AFF4: variants seen among roughly 807,000 people sequenced by gnomAD.
AFF4 encodes ALF transcription elongation factor 4.
In AFF4, 13 loss-of-function variants were observed where a neutral mutation model predicts 124.8. That is an observed-to-expected ratio of 0.10 (90% CI 0.07 to 0.17). AFF4 has a LOEUF of 0.17. Among genes scored for constraint, AFF4 ranks in the 10% least tolerant of loss-of-function variants. The probability of loss-of-function intolerance (pLI) is 1.00; values close to 1 mark genes in which losing one functional copy is unlikely to be tolerated. For missense variants in AFF4, 1,092 were observed against 1,403.8 expected (o/e 0.78, Z 3.55); for synonymous variants, 477 against 496.1 (o/e 0.96, Z 0.51).
intron 5 of AFF4, among the ~76,000 whole-genome samples, chr5:132,909,387 C>T (rs1760741571): frequency 6.6e-6 from 1 of 152,158 alleles, no homozygotes; most frequent in South Asian, 2.1e-4. Flanking sequence ...AGGTGATCCA[C>T]CCGCCTCAGC....
chr5:132,934,036 C>A, intron 3 of AFF4, 111 bp downstream of exon 3: 5 of 1,230,974 alleles, frequency 4.1e-6, no homozygotes, highest in Admixed American at 2.9e-5. Flanking sequence ...TCAACTTTTA[C>A]ATTCCTTACT....
chr5:132,890,592 A>G, intron 13 of AFF4, among the ~76,000 whole-genome samples: 1 of 152,234 alleles, frequency 6.6e-6, no homozygotes, highest in East Asian at 1.9e-4. Context: ...TTTAGTTGAT[A>G]GAATAAAAAA....
chr5:132,942,878 G>A (rs1761606399), intron 1 of AFF4: 1 of 199,888 alleles, frequency 5.0e-6, no homozygotes, highest in Non-Finnish European at 1.1e-5. Context: ...GATCGCTTGA[G>A]CTCAGGAGTT....
intron 13 of AFF4, chr5:132,891,910 T>C (rs2150069314): frequency 1.8e-6 from 1 of 553,066 alleles, no homozygotes. Flanking sequence ...GCCTCCCAAA[T>C]AGCTGGGACT....
Position 132,877,548 on chromosome 5 carries a change from T to C in AFF4, c.*3511A>G, listed in dbSNP as rs879476266. 4.8e-6 allele frequency: 1 copy of C among 208,344 alleles called. No homozygotes were observed. The highest frequency in any genetic ancestry group is 1.9e-4 in the South Asian group (1 of 5,324). 12.9% of individuals were successfully genotyped at this position (208,344 alleles called of 1,614,324 possible). On this transcript the variant is annotated 3_prime_UTR_variant, in exon 21 of 21. Transcript: ENST00000265343. The stretch of plus-strand genomic sequence containing the variant: ...TACATACATATATATAAAGTGTGTA[T>C]GTGTACAGAATTTTAAGATCCAAAG...
At chr5:132,893,964 G>T (rs575512607) in intron 11 of AFF4, among the ~76,000 whole-genome samples, 32 of 152,226 alleles carry the variant, frequency 2.1e-4, no homozygotes, top group South Asian at 1.0e-3. Context: ...TTCATTTAGT[G>T]TAACATTTTT....
chr5:132,906,543 T>C (rs1252753434), intron 5 of AFF4, among the ~76,000 whole-genome samples: 1 of 152,082 alleles, frequency 6.6e-6, no homozygotes, highest in East Asian at 1.9e-4. Context: ...ACTATTTATA[T>C]AAAATGTTTA....
intron 1 of AFF4, among the ~76,000 whole-genome samples, chr5:132,938,584 G>C (rs1761488231): frequency 6.6e-6 from 1 of 151,884 alleles, no homozygotes; most frequent in Non-Finnish European, 1.5e-5. Context: ...TTAATCAGTG[G>C]TTAGAACTAG....
intron 1 of AFF4, among the ~76,000 whole-genome samples, chr5:132,962,839 G>A (rs1001598469): frequency 5.3e-5 from 8 of 150,844 alleles, no homozygotes; most frequent in Non-Finnish European, 1.0e-4. Flanking sequence ...GGGGGTGTGG[G>A]AGAGGTGCGC....
chr5:132,915,254 T>C (rs947126676), intron 5 of AFF4, among the ~76,000 whole-genome samples: 9 of 151,568 alleles, frequency 5.9e-5, no homozygotes, highest in African/African-American at 1.9e-4. Flanking sequence ...GGCAGGAGAA[T>C]GGCATGAACC....
chr5:132,915,988 C>T (rs1760899682), intron 5 of AFF4, among the ~76,000 whole-genome samples: 1 of 151,918 alleles, frequency 6.6e-6, no homozygotes, highest in Non-Finnish European at 1.5e-5. Context: ...GGTGTGGTGG[C>T]TCACATCTGT....
intron 1 of AFF4, among the ~76,000 whole-genome samples, chr5:132,940,931 G>A (rs1214421758): frequency 2.0e-5 from 3 of 152,072 alleles, no homozygotes; most frequent in Non-Finnish European, 4.4e-5. Flanking sequence ...GGAGGCTGAT[G>A]CAGGAGAAAA....
rs767244728 is a variant in AFF4 at position 132,887,911 on chromosome 5, T to C, written c.2868A>G (p.Leu956=). The C allele has an allele frequency of 1.9e-6, 3 of 1,613,888 alleles. No individual in the cohort carries two copies. In the South Asian group the frequency reaches 3.3e-5, roughly 18 times the overall value. The change falls in exon 16 of 21, where the codon TTA becomes TTG. Residue 956 remains leucine (L), a synonymous_variant. Transcript: ENST00000265343. ...ATTTGGATTCCTGAGCATTCTTCTCTAATGCATTCCCACATTCAATGAAAG... is the reference window on the plus strand; with the variant it reads ...ATTTGGATTCCTGAGCATTCTTCTCCAATGCATTCCCACATTCAATGAAAG... ...VVSFIECGNA[L]EKNAQESKSP... is the part of the protein sequence containing the mutation.
At chr5:132,900,894 T>A (rs1358551968) in intron 7 of AFF4, 1 of 984,402 alleles carries the variant, frequency 1.0e-6, no homozygotes, top group East Asian at 1.1e-4. Context: ...TTCATTACAA[T>A]CTCCAATCAG....
intron 5 of AFF4, among the ~76,000 whole-genome samples, chr5:132,923,639 C>T (rs1761105230): frequency 2.6e-5 from 4 of 152,210 alleles, no homozygotes; most frequent in Admixed American, 2.6e-4. Flanking sequence ...GAGAGGATTG[C>T]TAGTGCTCAG....
At position 132,876,346 on chromosome 5, in the gene AFF4, G is replaced by C. The variant is rs1378945328; in HGVS notation, c.*4713C>G. 1 of 228,324 alleles carries C rather than the reference G, an allele frequency of 4.4e-6. No individual in the cohort carries two copies. Among genetic ancestry groups the C allele is most frequent in the African/African-American group, 2.2e-5 (1 of 44,990 alleles). 14.1% of individuals were successfully genotyped at this position (228,324 alleles called of 1,614,324 possible). On this transcript the variant is annotated 3_prime_UTR_variant, in exon 21 of 21. Coordinates refer to ENST00000265343, the MANE Select transcript of AFF4 (RefSeq NM_014423.4). ...GATCATGGCATTGATTTGAAAGGCA[G>C]CATTTCCAAATTGATATTTTCCAGA...
At chr5:132,926,699 GCTT>G (rs1371682869) in intron 5 of AFF4, 117 of 69,022 alleles carry the variant, frequency 1.7e-3, no homozygotes, top group African/African-American at 6.2e-3. Context: ...ACTATGCCAA[GCTT>G]TTTTTTTTTT....
In AFF4 at chr5:132,880,259, C is replaced by T. The variant is rs1759941249; in HGVS notation, c.*800G>A. 4 of 398,822 alleles carry T rather than the reference C, an allele frequency of 1.0e-5. No individual in the cohort carries two copies. In the South Asian group the frequency reaches 5.1e-4, roughly 51 times the overall value. 24.7% of individuals were successfully genotyped at this position (398,822 alleles called of 1,614,324 possible). A position where few individuals can be genotyped will look rare whatever the true frequency, so the allele number is the denominator to read the frequency against. ...AGGATTGTCCTTTTATGAAACCCTT[C>T]AACATGAAATGCTTCTTCTAGAAAG... On this transcript the variant is annotated 3_prime_UTR_variant, in exon 21 of 21. Coordinates refer to ENST00000265343, the MANE Select transcript of AFF4 (RefSeq NM_014423.4).
At position 132,896,490 on chromosome 5, in the gene AFF4, G is replaced by C; in HGVS notation, c.2140C>G (p.Leu714Val). 1.2e-6 allele frequency: 2 copies of C among 1,614,166 alleles called. No homozygotes were observed. The highest frequency in any genetic ancestry group is 2.2e-5 in the East Asian group (1 of 44,886). ...PLSEPDDRYP[L>V]IVKIDLNLLT... ...AGATTCAGGTCAATCTTCACAATAA[G>C]TGGGTACCTGTCATCAGGCTCACTG... Residue 714 changes from leucine (L) to valine (V), a missense_variant, in exon 11 of 21, where the codon CTT becomes GTT. Coordinates refer to ENST00000265343, the MANE Select transcript of AFF4 (RefSeq NM_014423.4).
Sources: gnomAD v4.1 joint callset for allele counts (sites outside exome capture counted in the v4.1 genomes callset) on GRCh38, gnomAD v4.1.1 for gene constraint, MANE v1.5 for transcripts, NCBI Gene and HGNC (gene_info 2026-07-23, HGNC 2026-07-21) for gene names.